SAMD12: variants seen among roughly 807,000 people sequenced by gnomAD.
SAMD12 encodes the protein sterile alpha motif domain containing 12, also known as sterile alpha motif domain-containing protein 12.
A neutral mutation model predicts 15.0 loss-of-function variants in SAMD12; 9 were observed. The observed-to-expected ratio is 0.60, with a 90% CI of 0.36 to 1.05. The LOEUF (loss-of-function observed/expected upper bound fraction) is 1.05. Ranked by LOEUF, SAMD12 falls within the 50% of genes least tolerant of loss-of-function variation. SAMD12 has a pLI of 0.01. For missense variants in SAMD12, 230 were observed against 234.2 expected (o/e 0.98, Z 0.12); for synonymous variants, 86 against 90.1 (o/e 0.96, Z 0.25).
In SAMD12 at chr8:118,621,885, C is replaced by G. The variant is rs969284940; in HGVS notation, c.-69G>C. ...GGTACTCCTCCTGCCCCGCGCTCCC[C>G]CCTTCCTCTCGCTTTCGCCTAAATA... is the stretch of plus-strand genomic sequence containing the variant. On this transcript the variant is annotated 5_prime_UTR_variant, in exon 1 of 4. Transcript: ENST00000314727. The G allele has an allele frequency of 2.0e-5, 31 of 1,533,382 alleles. No individual in the cohort carries two copies. The East Asian group carries it at 5.4e-4, about 27-fold the overall frequency. The allele number at this position is 1,533,382 out of a possible 1,614,324, so 95.0% of individuals were successfully genotyped here.
At chr8:118,608,586 C>T (rs1586854017) in intron 1 of SAMD12, among the ~76,000 whole-genome samples, 2 of 152,134 alleles carry the variant, frequency 1.3e-5, no homozygotes, top group Admixed American at 6.5e-5. Context: ...TCACTGCAAC[C>T]TCCACCTCTC....
intron 4 of SAMD12, among the ~76,000 whole-genome samples, chr8:118,240,769 G>A (rs1190025003): frequency 3.3e-5 from 5 of 151,726 alleles, no homozygotes; most frequent in Non-Finnish European, 5.9e-5. Context: ...ATTTTTTTAC[G>A]AGGGAGGCAT....
chr8:118,366,021 T>C (rs1322491450), intron 4 of SAMD12, among the ~76,000 whole-genome samples: 1 of 152,146 alleles, frequency 6.6e-6, no homozygotes, highest in Admixed American at 6.5e-5. Flanking sequence ...TCCATGTATA[T>C]AAGAACCATA....
At chr8:118,569,178 A>T (rs756440097) in intron 2 of SAMD12, among the ~76,000 whole-genome samples, 1 of 152,208 alleles carries the variant, frequency 6.6e-6, no homozygotes, top group Admixed American at 6.5e-5. Context: ...AACTTTGAGT[A>T]ATGACATCAT....
At chr8:118,345,903 C>A (rs1817614587) in intron 4 of SAMD12, among the ~76,000 whole-genome samples, 1 of 151,954 alleles carries the variant, frequency 6.6e-6, no homozygotes, top group South Asian at 2.1e-4. Context: ...AAAAGGAAGA[C>A]AAGTCAGCCA....
At chr8:118,384,968 G>A (rs183251453) in intron 3 of SAMD12, among the ~76,000 whole-genome samples, 1 of 152,110 alleles carries the variant, frequency 6.6e-6, no homozygotes, top group Admixed American at 6.5e-5. Flanking sequence ...GTAGAGGCTC[G>A]GGCCAGGGAA....
chr8:118,144,555 A>G, the SAMD12 span, among the ~76,000 whole-genome samples: 1 of 152,076 alleles, frequency 6.6e-6, no homozygotes, highest in South Asian at 2.1e-4. Flanking sequence ...GATGAAAATG[A>G]GTTTTAATTT....
chr8:118,369,852 T>C (rs1818991455), intron 4 of SAMD12, among the ~76,000 whole-genome samples: 1 of 152,114 alleles, frequency 6.6e-6, no homozygotes, highest in African/African-American at 2.4e-5. Flanking sequence ...ATTGAGGACA[T>C]AGGCATGGGC....
At chr8:118,376,473 G>A (rs1819393786), downstream of SAMD12, among the ~76,000 whole-genome samples, 1 of 152,144 alleles carries the variant, frequency 6.6e-6, no homozygotes, top group Non-Finnish European at 1.5e-5. Flanking sequence ...CTGTGAGGAA[G>A]TGGGCCCTCA....
chr8:118,157,088 A>G, the SAMD12 span, among the ~76,000 whole-genome samples: 1 of 152,110 alleles, frequency 6.6e-6, no homozygotes, highest in African/African-American at 2.4e-5. Flanking sequence ...ACTAAAGTAC[A>G]TTGAAGTCAT....
At chr8:118,224,789 T>A (rs75227028) in intron 4 of SAMD12, among the ~76,000 whole-genome samples, 29 of 152,166 alleles carry the variant, frequency 1.9e-4, no homozygotes, top group Non-Finnish European at 3.4e-4. Context: ...AGATGTGACT[T>A]TTTCTGTTTC....
chr8:118,428,829 A>T (rs1379943997), intron 3 of SAMD12, among the ~76,000 whole-genome samples: 1 of 152,136 alleles, frequency 6.6e-6, no homozygotes. Context: ...GTACCATATT[A>T]CCTTGGTTAT....
chr8:118,478,075 C>A (rs1213450375), intron 2 of SAMD12, among the ~76,000 whole-genome samples: 1 of 151,564 alleles, frequency 6.6e-6, no homozygotes, highest in African/African-American at 2.4e-5. Context: ...GACTCTGCAC[C>A]TCTAGTTCTC....
At chr8:118,214,597 T>G (rs2514961) in intron 4 of SAMD12, among the ~76,000 whole-genome samples, 80,022 of 152,126 alleles carry the variant, frequency 0.53, 22,321 homozygotes, top group Non-Finnish European at 0.62. Context: ...TTCACAGGCA[T>G]GTATGCAAGA....
intron 2 of SAMD12, among the ~76,000 whole-genome samples, chr8:118,533,168 C>T (rs1825737072): frequency 6.6e-6 from 1 of 152,248 alleles, no homozygotes; most frequent in Middle Eastern, 3.4e-3. Context: ...CAAAGAACAT[C>T]TTTATTTCTG....
At chr8:118,589,293 C>T (rs1351830512) in intron 1 of SAMD12, among the ~76,000 whole-genome samples, 3 of 152,174 alleles carry the variant, frequency 2.0e-5, no homozygotes, top group Non-Finnish European at 2.9e-5. Context: ...CACAGCCAGA[C>T]GTTCAAACCA....
intron 2 of SAMD12, among the ~76,000 whole-genome samples, chr8:118,529,991 C>T (rs973811155): frequency 1.3e-5 from 2 of 152,114 alleles, no homozygotes; most frequent in African/African-American, 4.8e-5. Context: ...TTTACATTTC[C>T]ACCAACAGCA....
intron 3 of SAMD12, among the ~76,000 whole-genome samples, chr8:118,434,159 C>G (rs1252467562): frequency 2.0e-5 from 3 of 152,020 alleles, no homozygotes; most frequent in Non-Finnish European, 4.4e-5. Context: ...CAGAACTGCC[C>G]AATTTCAAGG....
At chr8:118,210,873 C>A (rs1359086574) in intron 4 of SAMD12, among the ~76,000 whole-genome samples, 1 of 152,230 alleles carries the variant, frequency 6.6e-6, no homozygotes, top group Admixed American at 6.5e-5. Context: ...TGAACCTCCA[C>A]ATGATTTTGT....
Sources: allele counts gnomAD v4.1 joint callset (sites outside exome capture counted in the v4.1 genomes callset), GRCh38; gene constraint gnomAD v4.1.1; transcripts MANE v1.5; gene names NCBI Gene and HGNC (gene_info 2026-07-23, HGNC 2026-07-21).